TCF12: variants seen among roughly 807,000 people sequenced by gnomAD.
TCF12 encodes transcription factor 12, also known as DNA-binding protein HTF4.
A neutral mutation model predicts 86.0 loss-of-function variants in TCF12; 45 were observed. That is an observed-to-expected ratio of 0.52 (90% confidence interval 0.41 to 0.67). The LOEUF is 0.67. Among genes scored for constraint, TCF12 ranks in the 30% least tolerant of loss-of-function variants. The probability of loss-of-function intolerance (pLI) is 0.00; values close to 1 mark genes in which losing one functional copy is unlikely to be tolerated. For missense variants in TCF12, 881 were observed against 859.9 expected (o/e 1.02, Z -0.31); for synonymous variants, 330 against 299.6 (o/e 1.10, Z -1.05).
At chr15:56,964,175 G>T (rs967966269) in intron 3 of TCF12, among the ~76,000 whole-genome samples, 9 of 152,110 alleles carry the variant, frequency 5.9e-5, no homozygotes, top group Non-Finnish European at 1.3e-4. Flanking sequence ...AACAAGTTTC[G>T]AAGAATGTAC....
chr15:56,967,360 C>T (rs1348400188), intron 3 of TCF12, among the ~76,000 whole-genome samples: 2 of 151,378 alleles, frequency 1.3e-5, no homozygotes, highest in Non-Finnish European at 2.9e-5. Flanking sequence ...AGACTGGATT[C>T]GCCAATTGAG....
intron 3 of TCF12, among the ~76,000 whole-genome samples, chr15:56,960,514 C>G (rs1186882391): frequency 2.7e-5 from 4 of 150,128 alleles, no homozygotes; most frequent in Admixed American, 1.3e-4. Flanking sequence ...ACTGGAACCT[C>G]TGCCTCCCCG....
chr15:56,972,343 G>A (rs1393192314), intron 3 of TCF12, among the ~76,000 whole-genome samples: 1 of 152,178 alleles, frequency 6.6e-6, no homozygotes, highest in Non-Finnish European at 1.5e-5. Context: ...TGTATTATTT[G>A]TAATTGCAAA....
intron 3 of TCF12, among the ~76,000 whole-genome samples, chr15:56,991,929 A>G (rs900986528): frequency 8.5e-5 from 13 of 152,188 alleles, no homozygotes; most frequent in African/African-American, 3.1e-4. Flanking sequence ...GATAAACACT[A>G]TTGTCATATG....
chr15:57,065,059 C>G (rs1388351050), intron 4 of TCF12, among the ~76,000 whole-genome samples: 2 of 152,082 alleles, frequency 1.3e-5, no homozygotes, highest in African/African-American at 4.8e-5. Context: ...CGGGGTTTTA[C>G]TGTTATATCT....
At chr15:57,058,405 T>C (rs1165742336) in intron 3 of TCF12, among the ~76,000 whole-genome samples, 1 of 152,230 alleles carries the variant, frequency 6.6e-6, no homozygotes, top group African/African-American at 2.4e-5. Flanking sequence ...TGAATGAAAT[T>C]TGCCATGTGT....
intron 3 of TCF12, among the ~76,000 whole-genome samples, chr15:56,966,570 C>T (rs779272068): frequency 6.6e-6 from 1 of 152,136 alleles, no homozygotes; most frequent in African/African-American, 2.4e-5. Flanking sequence ...TCTTATTTCT[C>T]TGTTAGTCTC....
intron 19 of TCF12, among the ~76,000 whole-genome samples, chr15:57,277,353 G>A (rs903482914): frequency 4.6e-5 from 7 of 151,846 alleles, no homozygotes; most frequent in Non-Finnish European, 7.4e-5. Flanking sequence ...GTTGGCAGCC[G>A]GGTGCAGTGG....
At position 57,223,655 on chromosome 15, in the gene TCF12, T is replaced by TG. The variant is rs1555400251; in HGVS notation, c.580-7497_580-7496insG. ...GCCTACCAATGAGGTTTTTTTTTTT[T>TG]TTTTTTTTTTTTTTTTAGAAATAGA... On this transcript the variant is annotated intron_variant, in intron 8 of 20. Transcript: ENST00000333725. Among the ~76,000 whole-genome samples the TG allele has an allele frequency of 1.2e-3, 117 of 97,118 alleles. 1 individual carries two copies. The highest frequency in any genetic ancestry group is 5.5e-3 in the Admixed American group (50 of 9,142). 63.7% of individuals were successfully genotyped at this position (97,118 alleles called of 152,430 possible).
At chr15:57,256,491 TC>T (rs1201196502) in intron 16 of TCF12, among the ~76,000 whole-genome samples, 1 of 152,250 alleles carries the variant, frequency 6.6e-6, no homozygotes, top group South Asian at 2.1e-4. Context: ...CAATACATCC[TC>T]CTAACTAATC....
intron 4 of TCF12, among the ~76,000 whole-genome samples, chr15:57,071,835 T>C (rs1187443828): frequency 3.3e-5 from 5 of 152,134 alleles, no homozygotes; most frequent in African/African-American, 1.2e-4. Flanking sequence ...ACAGGACAGA[T>C]AGCATTTGAA....
Position 57,197,681 on chromosome 15 carries a change from A to G in TCF12, c.527-92A>G, listed in dbSNP as rs1309359620. ...ACTCCCAAATATTGGAAAACAAGAA[A>G]GACGCTAGGGGAAAAGTTATTCTGT... On this transcript the variant is annotated intron_variant, in intron 7 of 20. Coordinates refer to ENST00000333725, the MANE Select transcript of TCF12 (RefSeq NM_207037.2). The G allele has an allele frequency of 1.2e-5, 18 of 1,441,380 alleles. No individual in the cohort carries two copies. The South Asian group carries it at 2.1e-4, about 17-fold the overall frequency. The allele number at this position is 1,441,380 out of a possible 1,614,324, so 89.3% of individuals were successfully genotyped here. A position where few individuals can be genotyped will look rare whatever the true frequency, so the allele number is the denominator to read the frequency against.
rs113797415 is a variant in TCF12, at chr15:57,172,944, T to TAA, written c.390+6491_390+6492dup. Among the ~76,000 whole-genome samples the TAA allele has an allele frequency of 2.0e-4, 27 of 137,216 alleles. 3 individuals are homozygous for TAA. Among genetic ancestry groups the TAA allele is most frequent in the African/African-American group, 6.6e-4 (25 of 38,002 alleles). 90.0% of individuals were successfully genotyped at this position (137,216 alleles called of 152,430 possible). A position where few individuals can be genotyped will look rare whatever the true frequency, so the allele number is the denominator to read the frequency against. ...AGTTAGACTCTGTCTCTATTAAAAT[T>TAA]AAAAAAAAAAAAAAGAAAACTAGTC... On this transcript the variant is annotated intron_variant, in intron 6 of 20. Transcript: ENST00000333725.
In TCF12 at chr15:57,124,656, C is replaced by G. The variant is rs377045556; in HGVS notation, c.325+32765C>G. 2.6e-5 allele frequency among the ~76,000 whole-genome samples: 4 copies of G among 152,198 alleles called. No individual in the cohort carries two copies. The East Asian group carries it at 7.7e-4, about 29-fold the overall frequency. On this transcript the variant is annotated intron_variant, in intron 5 of 20. Transcript: ENST00000333725. Reference sequence around the variant, plus strand: ...CTAACATTTTCACCAGACACAATGGCTTGACTCTCAAAAATATTTCTTTTT... The same window carrying G: ...CTAACATTTTCACCAGACACAATGGGTTGACTCTCAAAAATATTTCTTTTT...
At chr15:56,925,280 A>T (rs1455524438) in intron 3 of TCF12, among the ~76,000 whole-genome samples, 1 of 114,630 alleles carries the variant, frequency 8.7e-6, no homozygotes, top group Non-Finnish European at 1.6e-5. Flanking sequence ...GTCATTGCTT[A>T]TAATGGATTT....
In TCF12 at chr15:57,066,919, A is replaced by G. The variant is rs186281078; in HGVS notation, c.222+3096A>G. ...AAGGGAAATTTTTGCTATGTACACT[A>G]TTTGCCTTACAGGGTCCTGACTTTA... is the stretch of plus-strand genomic sequence containing the variant. On this transcript the variant is annotated intron_variant, in intron 4 of 20. Transcript: ENST00000333725. Among the ~76,000 whole-genome samples, 3 of 152,266 alleles carry G rather than the reference A, an allele frequency of 2.0e-5. No individual in the cohort carries two copies. The East Asian group carries it at 5.8e-4, about 29-fold the overall frequency.
At chr15:57,126,616 T>C (rs7175436) in intron 5 of TCF12, among the ~76,000 whole-genome samples, 66,030 of 151,570 alleles carry the variant, frequency 0.44, 14,577 homozygotes, top group East Asian at 0.59. Context: ...TTTGGCTCCT[T>C]AGTTAGATTC....
At chr15:57,103,354 TC>T (rs2049893143) in intron 5 of TCF12, among the ~76,000 whole-genome samples, 1 of 152,224 alleles carries the variant, frequency 6.6e-6, no homozygotes, top group Non-Finnish European at 1.5e-5. Flanking sequence ...TATATGCTAT[TC>T]ATTTTCAACT....
At position 56,919,925 on chromosome 15, in the gene TCF12, G is replaced by T; in HGVS notation, c.12G>T (p.Gln4His). Residue 4 changes from glutamine (Q) to histidine (H), a missense_variant, in exon 2 of 21, where the codon CAG becomes CAT. This residue lies in a region of TCF12 where 766 missense variants were observed against 718.9 expected (regional missense o/e 1.07). Transcript: ENST00000333725. ...AGAAGTGGCCGAAGATGAATCCCCA[G>T]CAACAACGCATGGCCGCTATAGGGA... is the stretch of plus-strand genomic sequence containing the variant. MNP[Q>H]QQRMAAIGTD... 1 of 1,614,072 alleles carries T rather than the reference G, an allele frequency of 6.2e-7. No individual in the cohort carries two copies. Among genetic ancestry groups the T allele is most frequent in the African/African-American group, 1.3e-5 (1 of 75,034 alleles).
Sources: gnomAD v4.1 joint callset for allele counts (sites outside exome capture counted in the v4.1 genomes callset) on GRCh38, gnomAD v4.1.1 for gene constraint, gnomAD v4.1.1 regional missense constraint, MANE v1.5 for transcripts, NCBI Gene and HGNC (gene_info 2026-07-23, HGNC 2026-07-21) for gene names.